Variants in HMGCS1 observed in about 807,000 individuals in gnomAD.
HMGCS1 encodes 3-hydroxy-3-methylglutaryl-CoA synthase 1.
A neutral mutation model predicts 52.3 loss-of-function variants in HMGCS1; 9 were observed. That is an observed-to-expected ratio of 0.17 (90% CI 0.10 to 0.30). The LOEUF is 0.30. Among genes scored for constraint, HMGCS1 ranks in the 10% least tolerant of loss-of-function variants. The pLI, the probability that HMGCS1 is intolerant of heterozygous loss-of-function variation, is 1.00. For missense variants in HMGCS1, 320 were observed against 620.9 expected (o/e 0.52, Z 5.15); for synonymous variants, 176 against 214.4 (o/e 0.82, Z 1.57).
intron 2 of HMGCS1, among the ~76,000 whole-genome samples, chr5:43,304,759 AC>A: frequency 6.6e-6 from 1 of 152,348 alleles, no homozygotes; most frequent in South Asian, 2.1e-4. Flanking sequence ...ATGGAAAAAA[AC>A]ATTTTTACAT....
chr5:43,307,689 T>A (rs1364088804), intron 2 of HMGCS1, 77 bp downstream of exon 2: 7 of 152,192 alleles, frequency 4.6e-5, no homozygotes, highest in Non-Finnish European at 8.8e-5. Context: ...CAAATCGTTA[T>A]TTTCTCTAGG....
chr5:43,296,509 T>TA (rs1491556439), intron 5 of HMGCS1, among the ~76,000 whole-genome samples: 2 of 152,206 alleles, frequency 1.3e-5, no homozygotes, highest in Admixed American at 6.5e-5. Flanking sequence ...AATAATGTGT[T>TA]ATGATAGCAT....
At chr5:43,294,216 T>C in intron 7 of HMGCS1, 54 bp from the exon 8 acceptor site, 1 of 1,081,130 alleles carries the variant, frequency 9.2e-7, no homozygotes, top group Non-Finnish European at 1.4e-6. Context: ...AGCTACAGCG[T>C]GTGGGAAGCT....
In HMGCS1 at chr5:43,290,245, A is replaced by G. The variant is rs1329200496; in HGVS notation, c.*886T>C. 1.3e-5 allele frequency: 2 copies of G among 152,652 alleles called. No individual in the cohort carries two copies. Among genetic ancestry groups the G allele is most frequent in the Non-Finnish European group, 2.9e-5 (2 of 68,050 alleles). 9.5% of individuals were successfully genotyped at this position (152,652 alleles called of 1,614,324 possible). A position where few individuals can be genotyped will look rare whatever the true frequency, so the allele number is the denominator to read the frequency against. On this transcript the variant is annotated 3_prime_UTR_variant, in exon 11 of 11. Transcript: ENST00000325110. ...CCCTTCCATTTTAAATTTTTAAAAA[A>G]GTAACCAGAAAAATGTTTCATTTAT...
rs1205238487 is a variant in HMGCS1, at chr5:43,298,530, TG to T, written c.435del (p.Ser146AlafsTer10). 1.2e-6 allele frequency: 2 copies of T among 1,611,678 alleles called. No homozygotes were observed. The highest frequency in any genetic ancestry group is 1.7e-6 in the Non-Finnish European group (2 of 1,177,976). On this transcript the variant is annotated frameshift_variant, in exon 3 of 11. Transcript: ENST00000325110. LOFTEE classifies it high-confidence loss of function. The surrounding 1 kb of genome is among the most constrained non-coding windows in gnomAD (Gnocchi z 5.6). ...GCATGTAACATACCATCCCAAGAGC[TG>T]GACTCAATCCAGTTAACAGCATTGA... is the stretch of plus-strand genomic sequence containing the variant. ...AVFNAVNWIE[S>X]SSWDGRYALV...
At chr5:43,309,862 A>C (rs1433074280) in intron 1 of HMGCS1, among the ~76,000 whole-genome samples, 1 of 152,186 alleles carries the variant, frequency 6.6e-6, no homozygotes, top group Non-Finnish European at 1.5e-5. Context: ...GCAAAGACTA[A>C]AACACAAGAA....
rs577350914 is a variant in HMGCS1 at position 43,303,154 on chromosome 5, T to C, written c.-10-4179A>G. On this transcript the variant is annotated intron_variant, in intron 2 of 10. Transcript: ENST00000325110. ...TAGATTCTTTAGATAGTACGAAATA[T>C]AGCATTCAGTGCTTCAACTGTGTTA... 4.6e-5 allele frequency among the ~76,000 whole-genome samples: 7 copies of C among 152,366 alleles called. No homozygotes were observed. The South Asian group carries it at 1.2e-3, about 27-fold the overall frequency.
At chr5:43,299,432 A>G (rs1754196915) in intron 2 of HMGCS1, among the ~76,000 whole-genome samples, 1 of 151,592 alleles carries the variant, frequency 6.6e-6, no homozygotes, top group South Asian at 2.1e-4. Flanking sequence ...GGCGGATCAC[A>G]AGGTCAGGAG....
chr5:43,311,322 C>CAAA (rs34754612), intron 1 of HMGCS1, among the ~76,000 whole-genome samples: 6 of 98,312 alleles, frequency 6.1e-5, no homozygotes, highest in African/African-American at 2.3e-4. Context: ...TCTGTCTCCC[C>CAAA]AAAAAAAAAA....
chr5:43,291,979 T>A (rs1223690782), intron 10 of HMGCS1, among the ~76,000 whole-genome samples: 1 of 146,942 alleles, frequency 6.8e-6, no homozygotes, highest in Non-Finnish European at 1.5e-5. Context: ...TAGTATTTAC[T>A]GTATATTCTT....
chr5:43,298,374 G>T lies in HMGCS1; in HGVS notation c.448+144C>A. ...CCAATTCACAATTCGGATAATGACA[G>T]ACAGGTAAAATATCTTTCTTAATAT... On this transcript the variant is annotated intron_variant, in intron 3 of 10. Transcript: ENST00000325110. The surrounding 1 kb of genome is among the most constrained non-coding windows in gnomAD (Gnocchi z 5.6). The T allele has an allele frequency of 2.9e-6, 2 of 686,022 alleles. No individual in the cohort carries two copies. The highest frequency in any genetic ancestry group is 2.9e-5 in the Admixed American group (1 of 34,158). The allele number at this position is 686,022 out of a possible 1,614,324, so 42.5% of individuals were successfully genotyped here. A position where few individuals can be genotyped will look rare whatever the true frequency, so the allele number is the denominator to read the frequency against.
Position 43,309,304 on chromosome 5 carries a change from T to C in HMGCS1, c.-69-1480A>G, listed in dbSNP as rs908336809. ...AGACTGGAATGCAGTAGCATTCCAGTCACTGCTCACTGTAACCTCGACCTC... is the reference window on the plus strand; with the variant it reads ...AGACTGGAATGCAGTAGCATTCCAGCCACTGCTCACTGTAACCTCGACCTC... On this transcript the variant is annotated intron_variant, in intron 1 of 10. Coordinates refer to ENST00000325110, the MANE Select transcript of HMGCS1 (RefSeq NM_001098272.3). Among the ~76,000 whole-genome samples the C allele has an allele frequency of 5.3e-5, 8 of 151,794 alleles. No homozygotes were observed. In the South Asian group the frequency reaches 1.7e-3, roughly 32 times the overall value.
At chr5:43,304,514 A>G (rs977507361) in intron 2 of HMGCS1, among the ~76,000 whole-genome samples, 1 of 152,236 alleles carries the variant, frequency 6.6e-6, no homozygotes, top group Non-Finnish European at 1.5e-5. Flanking sequence ...AATTCTCTAT[A>G]AAAAGTTATA....
intron 2 of HMGCS1, among the ~76,000 whole-genome samples, chr5:43,306,536 C>T (rs557722660): frequency 7.4e-4 from 112 of 152,310 alleles, no homozygotes; most frequent in Non-Finnish European, 1.2e-3. Context: ...ATCTGAAATG[C>T]TCCAAAATCT....
At chr5:43,303,541 T>C (rs142411193) in intron 2 of HMGCS1, among the ~76,000 whole-genome samples, 2 of 152,370 alleles carry the variant, frequency 1.3e-5, no homozygotes, top group African/African-American at 4.8e-5. Context: ...TATTTTGCTG[T>C]GGCACCTAAG....
In HMGCS1 at chr5:43,287,663, T is replaced by C. The variant is rs1048283364; in HGVS notation, c.*3468A>G. 3.3e-5 allele frequency: 5 copies of C among 152,238 alleles called. No individual in the cohort carries two copies. The highest frequency in any genetic ancestry group is 2.0e-4 in the Admixed American group (3 of 15,280). The allele number at this position is 152,238 out of a possible 1,614,324, so 9.4% of individuals were successfully genotyped here. On this transcript the variant is annotated 3_prime_UTR_variant, in exon 11 of 11. Transcript: ENST00000325110. The stretch of plus-strand genomic sequence containing the variant: ...AGGTGATGAAAAGAGTAATCAGTTA[T>C]CCACTAGCAACTTTCCACCTAGGTC...
chr5:43,298,286 C>A lies in HMGCS1; in HGVS notation c.449-152G>T. 1 of 743,364 alleles carries A rather than the reference C, an allele frequency of 1.3e-6. No homozygotes were observed. Among genetic ancestry groups the A allele is most frequent in the Non-Finnish European group, 2.1e-6 (1 of 472,558 alleles). 46.0% of individuals were successfully genotyped at this position (743,364 alleles called of 1,614,324 possible). ...TAATTTTTTTTTAAAATTCATCTGCCAAGGCTCTGTCATCCATCTGACTAA... is the reference window on the plus strand; with the variant it reads ...TAATTTTTTTTTAAAATTCATCTGCAAAGGCTCTGTCATCCATCTGACTAA... On this transcript the variant is annotated intron_variant, in intron 3 of 10. Coordinates refer to ENST00000325110, the MANE Select transcript of HMGCS1 (RefSeq NM_001098272.3). The surrounding 1 kb of genome is among the most constrained non-coding windows in gnomAD (Gnocchi z 5.6).
At chr5:43,307,560 T>C (rs1444252272) in intron 2 of HMGCS1, among the ~76,000 whole-genome samples, 1 of 152,232 alleles carries the variant, frequency 6.6e-6, no homozygotes, top group Non-Finnish European at 1.5e-5. Context: ...AATTTGTTTC[T>C]AGATTTTAAA....
At chr5:43,301,834 A>G (rs1469793917) in intron 2 of HMGCS1, among the ~76,000 whole-genome samples, 1 of 152,246 alleles carries the variant, frequency 6.6e-6, no homozygotes, top group Non-Finnish European at 1.5e-5. Context: ...GTAACTGACT[A>G]GATGTTAGGG....
Sources: gnomAD v4.1 joint callset for allele counts (sites outside exome capture counted in the v4.1 genomes callset) on GRCh38, gnomAD v4.1.1 for gene constraint, Gnocchi (gnomAD v3.1) non-coding constraint, MANE v1.5 for transcripts, NCBI Gene and HGNC (gene_info 2026-07-23, HGNC 2026-07-21) for gene names.